SEMA3C: variants seen among roughly 807,000 people sequenced by gnomAD.
The protein encoded by SEMA3C is semaphorin 3C, also known as semaphorin-3C.
A neutral mutation model predicts 89.4 loss-of-function variants in SEMA3C; 47 were observed. The observed-to-expected ratio is 0.53, with a 90% confidence interval of 0.42 to 0.67. The LOEUF is 0.67. Among genes scored for constraint, SEMA3C ranks in the 30% least tolerant of loss-of-function variants. The pLI is 0.00. For synonymous variants in SEMA3C, 310 were observed against 320.2 expected, an observed-to-expected ratio of 0.97 and a Z score of 0.34; for missense variants, 839 against 929.1, an observed-to-expected ratio of 0.90 and a Z score of 1.26.
At chr7:80,847,073 T>A (rs1790407395) in intron 2 of SEMA3C, among the ~76,000 whole-genome samples, 1 of 152,180 alleles carries the variant, frequency 6.6e-6, no homozygotes, top group Non-Finnish European at 1.5e-5. Context: ...ATTATTTATT[T>A]CAGGAAACTT....
intron 2 of SEMA3C, among the ~76,000 whole-genome samples, chr7:80,857,477 T>A (rs1790668864): frequency 6.6e-6 from 1 of 152,184 alleles, no homozygotes; most frequent in African/African-American, 2.4e-5. Flanking sequence ...CCAGGACATC[T>A]CAGAATTGCT....
chr7:80,748,907 C>T lies in SEMA3C; in HGVS notation c.1833G>A (p.Arg611=). ...GTGCTGCTTTACTCACCTCTTTCCT[C>T]CTGTCTTTGTCTTTCTGTAACAGCC... The part of the protein sequence containing the change: ...IKWLLQKDKD[R]RKEVKLNERI... The change falls in exon 17 of 18, where the codon AGG becomes AGA. Residue 611 remains arginine (R), a synonymous_variant. Transcript: ENST00000265361. The T allele has an allele frequency of 1.2e-6, 2 of 1,611,576 alleles. No individual in the cohort carries two copies. The highest frequency in any genetic ancestry group is 8.5e-7 in the Non-Finnish European group (1 of 1,178,972).
intron 4 of SEMA3C, 127 bp downstream of exon 4, chr7:80,827,298 T>C: frequency 1.1e-6 from 1 of 946,400 alleles, no homozygotes; most frequent in Non-Finnish European, 1.5e-6. Context: ...GTTTTTAGCC[T>C]GTGTCCAGCA....
rs138238608 is a variant in SEMA3C at position 80,877,317 on chromosome 7, T to A, written c.103+39362A>T. Among the ~76,000 whole-genome samples, 134 of 152,330 alleles carry A rather than the reference T, an allele frequency of 8.8e-4. 1 individual carries two copies. In the East Asian group the frequency reaches 0.023, roughly 26 times the overall value. On this transcript the variant is annotated intron_variant, in intron 2 of 17. Transcript: ENST00000265361. Reference sequence around the variant, plus strand: ...ACATACTTTTAACAAGTGCCCTAATTTATTATCTATTCTGAGACACAACAT... The same window carrying A: ...ACATACTTTTAACAAGTGCCCTAATATATTATCTATTCTGAGACACAACAT...
In SEMA3C at chr7:80,875,923, C is replaced by T. The variant is rs563324264; in HGVS notation, c.103+40756G>A. 2.2e-3 allele frequency among the ~76,000 whole-genome samples: 334 copies of T among 151,872 alleles called. 2 individuals are homozygous for T. Among genetic ancestry groups the T allele is most frequent in the African/African-American group, 7.7e-3 (318 of 41,456 alleles). On this transcript the variant is annotated intron_variant, in intron 2 of 17. Coordinates refer to ENST00000265361, the MANE Select transcript of SEMA3C (RefSeq NM_006379.5). The stretch of plus-strand genomic sequence containing the variant: ...CCTACAGTAAGAACACATCTTCTAT[C>T]GGTGAAACTGGGAAGGAAGTTAAAA...
intron 4 of SEMA3C, among the ~76,000 whole-genome samples, chr7:80,826,059 C>T: frequency 6.6e-6 from 1 of 152,110 alleles, no homozygotes. Flanking sequence ...ACTCCAAGAA[C>T]CCTCTAGCAA....
intron 2 of SEMA3C, among the ~76,000 whole-genome samples, chr7:80,869,069 G>A (rs142875501): frequency 1.7e-4 from 26 of 152,212 alleles, no homozygotes; most frequent in African/African-American, 6.0e-4. Flanking sequence ...TAAATTATGG[G>A]TAACTACAAT....
At chr7:80,789,880 T>A (rs912516586) in intron 11 of SEMA3C, among the ~76,000 whole-genome samples, 1 of 152,174 alleles carries the variant, frequency 6.6e-6, no homozygotes, top group African/African-American at 2.4e-5. Context: ...GTGGACACAA[T>A]CTAATGCTGC....
chr7:80,919,559 G>GTT (rs3834744), upstream of SEMA3C, among the ~76,000 whole-genome samples: 404 of 145,730 alleles, frequency 2.8e-3, no homozygotes, highest in African/African-American at 5.6e-3. Context: ...ATTCTGCTGC[G>GTT]TTTTTTTTTT....
chr7:80,864,134 A>T (rs1790869772), intron 2 of SEMA3C, among the ~76,000 whole-genome samples: 1 of 152,094 alleles, frequency 6.6e-6, no homozygotes, highest in Admixed American at 6.6e-5. Flanking sequence ...AAGTGAAGTA[A>T]CACAGGAATG....
At chr7:80,840,878 C>G (rs1321419157) in intron 2 of SEMA3C, among the ~76,000 whole-genome samples, 1 of 152,098 alleles carries the variant, frequency 6.6e-6, no homozygotes, top group African/African-American at 2.4e-5. Flanking sequence ...GGCTTTACAT[C>G]ATGGCTGTGG....
chr7:80,772,368 G>A (rs575135840), intron 12 of SEMA3C, among the ~76,000 whole-genome samples: 1 of 152,276 alleles, frequency 6.6e-6, no homozygotes, highest in South Asian at 2.1e-4. Flanking sequence ...GTAGCATTCT[G>A]TGCATGTGTA....
intron 2 of SEMA3C, among the ~76,000 whole-genome samples, chr7:80,864,540 T>C (rs1364453252): frequency 6.6e-6 from 1 of 151,860 alleles, no homozygotes; most frequent in Non-Finnish European, 1.5e-5. Flanking sequence ...GGAAAATATA[T>C]TAAGAAAAAT....
chr7:80,827,051 T>C lies in SEMA3C; in HGVS notation c.327+374A>G, dbSNP rs1314891644. Among the ~76,000 whole-genome samples the C allele has an allele frequency of 2.6e-5, 4 of 152,280 alleles. No individual in the cohort carries two copies. The East Asian group carries it at 5.8e-4, about 22-fold the overall frequency. ...AACCACTACCCTTTTGCCAAGAATCTTTGTTTGGAAAAGCCCACAGGGTAT... is the reference window on the plus strand; with the variant it reads ...AACCACTACCCTTTTGCCAAGAATCCTTGTTTGGAAAAGCCCACAGGGTAT... On this transcript the variant is annotated intron_variant, in intron 4 of 17. Coordinates refer to ENST00000265361, the MANE Select transcript of SEMA3C (RefSeq NM_006379.5).
chr7:80,871,064 C>T (rs543004541), intron 2 of SEMA3C, among the ~76,000 whole-genome samples: 1 of 152,138 alleles, frequency 6.6e-6, no homozygotes, highest in African/African-American at 2.4e-5. Flanking sequence ...ATTTGTCATG[C>T]CTTACTAATG....
At chr7:80,866,566 C>T (rs374251006) in intron 2 of SEMA3C, among the ~76,000 whole-genome samples, 7 of 152,166 alleles carry the variant, frequency 4.6e-5, no homozygotes, top group East Asian at 1.9e-4. Context: ...TCTGTAATGA[C>T]GGCTATGCAT....
chr7:80,920,756 C>G (rs938451924), upstream of SEMA3C, among the ~76,000 whole-genome samples: 6 of 152,016 alleles, frequency 3.9e-5, no homozygotes, highest in African/African-American at 1.5e-4. Flanking sequence ...GGAATTTAAC[C>G]CCCCAAAAAC....
intron 4 of SEMA3C, among the ~76,000 whole-genome samples, chr7:80,820,051 C>T (rs1011556596): frequency 7.0e-6 from 1 of 142,964 alleles, no homozygotes; most frequent in Non-Finnish European, 1.5e-5. Context: ...ACCATGTATG[C>T]TCCTTTTTTT....
At chr7:80,815,105 T>A (rs72612624) in intron 5 of SEMA3C, among the ~76,000 whole-genome samples, 6,766 of 152,272 alleles carry the variant, frequency 0.044, 370 homozygotes, top group East Asian at 0.26. Flanking sequence ...ATGATTTTGA[T>A]TCTGCTTTTA....
Sources: allele counts gnomAD v4.1 joint callset (sites outside exome capture counted in the v4.1 genomes callset), GRCh38; gene constraint gnomAD v4.1.1; transcripts MANE v1.5; gene names NCBI Gene and HGNC (gene_info 2026-07-23, HGNC 2026-07-21).